The following PLSCR4 variants were observed in gnomAD, a reference collection of about 807,000 sequenced individuals.
PLSCR4 encodes Ca(2+)-dependent phospholipid scramblase 4.
Under a neutral mutation model 36.3 loss-of-function variants are expected in PLSCR4, and 25 were observed. The observed-to-expected ratio is 0.69, with a 90% CI of 0.50 to 0.96. The LOEUF is 0.96. PLSCR4 is among the 40% of genes least tolerant of loss of function. The probability of loss-of-function intolerance (pLI) is 0.00; values close to 1 mark genes in which losing one functional copy is unlikely to be tolerated. For missense variants in PLSCR4, 408 were observed against 414.7 expected (o/e 0.98, Z 0.14); for synonymous variants, 122 against 132.9 (o/e 0.92, Z 0.56).
chr3:146,221,968 CA>C (rs3840204), intron 2 of PLSCR4, 96 bp downstream of exon 2: 127 of 559,224 alleles, frequency 2.3e-4, no homozygotes, highest in South Asian at 7.0e-4. Flanking sequence ...AAATGTTAAA[CA>C]AAAAAAAATC....
intron 4 of PLSCR4, among the ~76,000 whole-genome samples, chr3:146,204,501 T>C (rs1386200335): frequency 6.6e-6 from 1 of 151,832 alleles, no homozygotes; most frequent in Non-Finnish European, 1.5e-5. Context: ...CAGCAAGAGG[T>C]TAGAAATTTT....
chr3:146,246,527 G>A (rs2036345562), intron 1 of PLSCR4, among the ~76,000 whole-genome samples: 1 of 151,886 alleles, frequency 6.6e-6, no homozygotes, highest in Admixed American at 6.6e-5. Flanking sequence ...TATTAATTTA[G>A]TTCAAATTGT....
At chr3:146,234,778 A>G (rs1394500855) in intron 1 of PLSCR4, among the ~76,000 whole-genome samples, 1 of 152,192 alleles carries the variant, frequency 6.6e-6, no homozygotes, top group Non-Finnish European at 1.5e-5. Flanking sequence ...AAATGAATGC[A>G]TGGATCTGAT....
At chr3:146,222,620 G>T (rs2035219666) in intron 1 of PLSCR4, among the ~76,000 whole-genome samples, 1 of 152,158 alleles carries the variant, frequency 6.6e-6, no homozygotes, top group African/African-American at 2.4e-5. Context: ...AAGAGAAAGT[G>T]GTTTAGGAGT....
chr3:146,194,540 G>T, intron 8 of PLSCR4, 85 bp from the exon 9 acceptor site: 1 of 822,626 alleles, frequency 1.2e-6, no homozygotes. Flanking sequence ...TTTATTAGGG[G>T]ATTCCCCCAT....
rs965868088 is a variant in PLSCR4 at position 146,219,700 on chromosome 3, T to C, written c.118+1115A>G. Among the ~76,000 whole-genome samples, 6 of 152,238 alleles carry C rather than the reference T, an allele frequency of 3.9e-5. No individual in the cohort carries two copies. In the South Asian group the frequency reaches 8.3e-4, roughly 21 times the overall value. On this transcript the variant is annotated intron_variant, in intron 3 of 8. Transcript: ENST00000354952. ...GGGACACTGAGGCAGGTGGATCACC[T>C]GAGGTCGGGACTTCGAGACCAGCCT...
chr3:146,201,083 G>A lies in PLSCR4; in HGVS notation c.355-6C>T, dbSNP rs1387754322. On this transcript the variant is annotated splice_polypyrimidine_tract_variant and splice_region_variant and intron_variant, in intron 4 of 8. Transcript: ENST00000354952. ...AGAACATGTATGTTGTCCAACTGTT[G>A]GGATAAAACAAAGCAATCAGAAGAC... is the stretch of plus-strand genomic sequence containing the variant. The A allele has an allele frequency of 2.0e-6, 3 of 1,533,308 alleles. No homozygotes were observed. The highest frequency in any genetic ancestry group is 2.9e-5 in the African/African-American group (2 of 69,842). 95.0% of individuals were successfully genotyped at this position (1,533,308 alleles called of 1,614,324 possible).
rs148385400 is a variant in PLSCR4, at chr3:146,210,775, CACT to C, written c.119-4017_119-4015del. Among the ~76,000 whole-genome samples, 387 of 151,396 alleles carry C rather than the reference CACT, an allele frequency of 2.6e-3. 2 individuals are homozygous for C. Among genetic ancestry groups the C allele is most frequent in the African/African-American group, 8.9e-3 (367 of 41,258 alleles). On this transcript the variant is annotated intron_variant, in intron 3 of 8. Transcript: ENST00000354952. ...CCTCTTCCCCACAGTCCCTGAAAAC[CACT>C]ACTATCTGTGGATTTGCCTAATCTA...
intron 4 of PLSCR4, among the ~76,000 whole-genome samples, chr3:146,201,693 T>C (rs996416604): frequency 2.0e-5 from 3 of 152,080 alleles, no homozygotes; most frequent in Admixed American, 6.6e-5. Context: ...CTAGGAAGCA[T>C]GTGAACAGGA....
chr3:146,201,123 T>TA (rs2034026848), intron 4 of PLSCR4, 46 bp from the exon 5 acceptor site: 2 of 1,152,622 alleles, frequency 1.7e-6, no homozygotes, highest in South Asian at 3.2e-5. Flanking sequence ...ATAACAGAAC[T>TA]AAAATACCAC....
chr3:146,211,544 T>C (rs531396362), intron 3 of PLSCR4, among the ~76,000 whole-genome samples: 25 of 152,264 alleles, frequency 1.6e-4, no homozygotes, highest in African/African-American at 5.3e-4. Context: ...AACTTTTTAA[T>C]TGTTATGAAG....
At chr3:146,219,244 A>G (rs2035030192) in intron 3 of PLSCR4, among the ~76,000 whole-genome samples, 1 of 152,240 alleles carries the variant, frequency 6.6e-6, no homozygotes, top group African/African-American at 2.4e-5. Flanking sequence ...AGAAGAATAG[A>G]CATACGCTTT....
chr3:146,223,191 G>A (rs138243886), intron 1 of PLSCR4, among the ~76,000 whole-genome samples: 1 of 152,180 alleles, frequency 6.6e-6, no homozygotes, highest in African/African-American at 2.4e-5. Context: ...AAGACTAGAA[G>A]TTGAGACGAG....
chr3:146,207,179 T>G (rs562081913), intron 3 of PLSCR4, among the ~76,000 whole-genome samples: 1 of 152,282 alleles, frequency 6.6e-6, no homozygotes, highest in Non-Finnish European at 1.5e-5. Flanking sequence ...TTTGTTATTA[T>G]GTCTATTGTT....
chr3:146,227,757 T>C (rs2035537104), intron 1 of PLSCR4, among the ~76,000 whole-genome samples: 1 of 152,222 alleles, frequency 6.6e-6, no homozygotes, highest in Non-Finnish European at 1.5e-5. Flanking sequence ...CCAGTGCCTT[T>C]AACCCTGAGA....
chr3:146,245,085 T>G lies in PLSCR4; in HGVS notation c.-22+5875A>C, dbSNP rs550901354. 2.0e-5 allele frequency among the ~76,000 whole-genome samples: 3 copies of G among 152,186 alleles called. No individual in the cohort carries two copies. The East Asian group carries it at 5.8e-4, about 29-fold the overall frequency. On this transcript the variant is annotated intron_variant, in intron 1 of 8. Coordinates refer to ENST00000354952, the MANE Select transcript of PLSCR4 (RefSeq NM_020353.3). ...TGAAGTACCTGCAGATGTGAGAGAA[T>G]AGCAAGAGAACTAAGAGTTAGAAGT...
intron 3 of PLSCR4, among the ~76,000 whole-genome samples, chr3:146,209,026 G>A (rs2034487416): frequency 6.6e-6 from 1 of 151,916 alleles, no homozygotes; most frequent in Non-Finnish European, 1.5e-5. Flanking sequence ...ATCTACGAGT[G>A]GATAAAGAAA....
intron 1 of PLSCR4, among the ~76,000 whole-genome samples, chr3:146,224,962 G>C: frequency 6.6e-6 from 1 of 151,400 alleles, no homozygotes; most frequent in Non-Finnish European, 1.5e-5. Flanking sequence ...GCTAGATACA[G>C]AGTGTCGATT....
At chr3:146,228,755 TTGAG>T (rs964736624) in intron 1 of PLSCR4, among the ~76,000 whole-genome samples, 2 of 152,142 alleles carry the variant, frequency 1.3e-5, no homozygotes, top group Non-Finnish European at 2.9e-5. Flanking sequence ...ACTACAAAAA[TTGAG>T]TATTTGTCTG....
Sources: allele counts gnomAD v4.1 joint callset (sites outside exome capture counted in the v4.1 genomes callset), GRCh38; gene constraint gnomAD v4.1.1; transcripts MANE v1.5; gene names NCBI Gene and HGNC (gene_info 2026-07-23, HGNC 2026-07-21).